SLC9C2: variants seen among roughly 807,000 people sequenced by gnomAD.
SLC9C2 encodes solute carrier family 9 member C2 (putative), also known as sodium/hydrogen exchanger 11.
Under a neutral mutation model 140.2 loss-of-function variants are expected in SLC9C2, and 75 were observed. The ratio of observed to expected loss-of-function variants is 0.53; its 90% CI spans 0.44 to 0.65. The LOEUF (loss-of-function observed/expected upper bound fraction) is 0.65. Among genes scored for constraint, SLC9C2 ranks in the 30% least tolerant of loss-of-function variants. The probability of loss-of-function intolerance (pLI) is 0.00; values close to 1 mark genes in which losing one functional copy is unlikely to be tolerated. For synonymous variants in SLC9C2, 375 were observed against 420.9 expected, an observed-to-expected ratio of 0.89 and a Z score of 1.34; for missense variants, 1,074 against 1,331.8, an observed-to-expected ratio of 0.81 and a Z score of 3.01.
At chr1:173,509,738 G>A in intron 23 of SLC9C2, 39 bp from the exon 24 acceptor site, 1 of 1,554,356 alleles carries the variant, frequency 6.4e-7, no homozygotes, top group Non-Finnish European at 8.6e-7. Context: ...AGCTTGATGT[G>A]GAACTAAATT....
Position 173,548,381 on chromosome 1 carries a change from C to G in SLC9C2, c.1461+8G>C, listed in dbSNP as rs1411634397. 3 of 1,607,150 alleles carry G rather than the reference C, an allele frequency of 1.9e-6. No homozygotes were observed. Among genetic ancestry groups the G allele is most frequent in the Middle Eastern group, 1.7e-4 (1 of 5,772 alleles). On this transcript the variant is annotated splice_region_variant and intron_variant, in intron 12 of 27. Coordinates refer to ENST00000367714, the MANE Select transcript of SLC9C2 (RefSeq NM_178527.4). The stretch of plus-strand genomic sequence containing the variant: ...AGGAAAACTACTTTTTGCCAGGTAT[C>G]AACTCACAGGAATGTATTCGATCCT...
intron 5 of SLC9C2, among the ~76,000 whole-genome samples, chr1:173,585,292 C>G (rs1385540815): frequency 1.3e-5 from 2 of 152,108 alleles, no homozygotes; most frequent in Non-Finnish European, 2.9e-5. Context: ...TGCAGATGGG[C>G]ACCTCATCAA....
At chr1:173,530,371 C>T (rs545086925) in intron 17 of SLC9C2, among the ~76,000 whole-genome samples, 1 of 152,284 alleles carries the variant, frequency 6.6e-6, no homozygotes, top group Admixed American at 6.5e-5. Context: ...CTGCCTTTTC[C>T]CTCATTCTCT....
chr1:173,514,806 T>A (rs1043210272), intron 23 of SLC9C2, among the ~76,000 whole-genome samples: 1 of 152,186 alleles, frequency 6.6e-6, no homozygotes, highest in African/African-American at 2.4e-5. Flanking sequence ...TTCCTTTCCA[T>A]ATTTAGTGCT....
At chr1:173,571,082 G>C (rs1311667463) in intron 9 of SLC9C2, among the ~76,000 whole-genome samples, 1 of 152,108 alleles carries the variant, frequency 6.6e-6, no homozygotes, top group African/African-American at 2.4e-5. Flanking sequence ...GTTCCTGCAG[G>C]GGGGTGAGAG....
At chr1:173,528,222 TA>T (rs1205300598) in intron 18 of SLC9C2, among the ~76,000 whole-genome samples, 2 of 152,224 alleles carry the variant, frequency 1.3e-5, no homozygotes, top group African/African-American at 2.4e-5. Flanking sequence ...AGTTTCAGAA[TA>T]AACACCAGTT....
intron 9 of SLC9C2, among the ~76,000 whole-genome samples, chr1:173,559,351 A>T (rs553896812): frequency 2.5e-4 from 38 of 152,210 alleles, no homozygotes; most frequent in Non-Finnish European, 4.9e-4. Flanking sequence ...GCATCAGGGA[A>T]AGTGTTGCAG....
chr1:173,600,274 T>C lies in SLC9C2; in HGVS notation c.128-57A>G, dbSNP rs1666705921. 12 of 1,256,790 alleles carry C rather than the reference T, an allele frequency of 9.5e-6. No homozygotes were observed. In the South Asian group the frequency reaches 1.6e-4, roughly 17 times the overall value. 77.9% of individuals were successfully genotyped at this position (1,256,790 alleles called of 1,614,324 possible). On this transcript the variant is annotated intron_variant, in intron 2 of 27. Transcript: ENST00000367714. ...TACTCGAAGTACAGTTTCTACCAAA[T>C]GTGTATCACTTTTGCACCATCCCAA...
chr1:173,592,369 T>C (rs895732975), intron 4 of SLC9C2, among the ~76,000 whole-genome samples: 20 of 152,358 alleles, frequency 1.3e-4, no homozygotes, highest in African/African-American at 4.6e-4. Flanking sequence ...CACATGAATT[T>C]TAAAATAATT....
At chr1:173,537,302 G>C (rs1662041822) in intron 13 of SLC9C2, among the ~76,000 whole-genome samples, 3 of 152,162 alleles carry the variant, frequency 2.0e-5, no homozygotes, top group African/African-American at 7.2e-5. Context: ...ACTCAGCCAG[G>C]CATGGTGGCT....
chr1:173,569,524 T>C (rs889194193), intron 9 of SLC9C2, among the ~76,000 whole-genome samples: 1 of 152,138 alleles, frequency 6.6e-6, no homozygotes, highest in Non-Finnish European at 1.5e-5. Flanking sequence ...ATATTACCAT[T>C]TTGAATAAAC....
At chr1:173,545,763 G>A (rs968859118) in intron 13 of SLC9C2, among the ~76,000 whole-genome samples, 4 of 152,180 alleles carry the variant, frequency 2.6e-5, no homozygotes, top group Non-Finnish European at 5.9e-5. Flanking sequence ...GCAAACTGTG[G>A]AACAGTAAAT....
chr1:173,500,936 A>C lies in SLC9C2; in HGVS notation c.*158T>G, dbSNP rs1659221916. 1 of 775,462 alleles carries C rather than the reference A, an allele frequency of 1.3e-6. No individual in the cohort carries two copies. The highest frequency in any genetic ancestry group is 1.8e-6 in the Non-Finnish European group (1 of 562,484). The allele number at this position is 775,462 out of a possible 1,614,324, so 48.0% of individuals were successfully genotyped here. A position where few individuals can be genotyped will look rare whatever the true frequency, so the allele number is the denominator to read the frequency against. ...TTACAGAAGTCCATCCATTGCTTAT[A>C]AACTAAATGCAGCAGTAACCTGTTT... On this transcript the variant is annotated 3_prime_UTR_variant, in exon 28 of 28. Coordinates refer to ENST00000367714, the MANE Select transcript of SLC9C2 (RefSeq NM_178527.4).
chr1:173,521,375 C>T lies in SLC9C2; in HGVS notation c.2665G>A (p.Asp889Asn). ...CCTTTACAAATGGTATCTCCAGAGT[C>T]AAAACAGGCAAGTTTGGCTCTTTCC... ...FKERAKLACF[D>N]SGDTICKGGE... The change falls in exon 22 of 28, where the codon GAC becomes AAC. Residue 889 changes from aspartate to asparagine, a missense_variant. By Grantham distance (23) the Asp-to-Asn change is conservative (BLOSUM62 1). Coordinates refer to ENST00000367714, the MANE Select transcript of SLC9C2 (RefSeq NM_178527.4). 6.7e-7 allele frequency: 1 copy of T among 1,485,046 alleles called. No individual in the cohort carries two copies. The allele number at this position is 1,485,046 out of a possible 1,614,324, so 92.0% of individuals were successfully genotyped here.
At chr1:173,548,654 C>T in intron 11 of SLC9C2, 102 bp from the exon 12 acceptor site, 1 of 1,293,720 alleles carries the variant, frequency 7.7e-7, no homozygotes, top group Non-Finnish European at 1.1e-6. Context: ...TTGAGATCAC[C>T]TGCAAACCAG....
intron 26 of SLC9C2, among the ~76,000 whole-genome samples, chr1:173,503,549 TA>T (rs1659426632): frequency 6.6e-6 from 1 of 152,110 alleles, no homozygotes; most frequent in African/African-American, 2.4e-5. Context: ...GCAGATCACG[TA>T]AACAGTTGAA....
At position 173,516,170 on chromosome 1, in the gene SLC9C2, C is replaced by T. The variant is rs370514910; in HGVS notation, c.2907+1367G>A. 5.9e-5 allele frequency among the ~76,000 whole-genome samples: 9 copies of T among 152,306 alleles called. No homozygotes were observed. In the East Asian group the frequency reaches 9.6e-4, roughly 16 times the overall value. ...GGCACAGGGAGCAGGACCCATTTAA[C>T]GAACCACTTTGTCCCTTGGTCTTTG... On this transcript the variant is annotated intron_variant, in intron 23 of 27. Transcript: ENST00000367714.
At chr1:173,579,087 T>A (rs1012258916) in intron 7 of SLC9C2, among the ~76,000 whole-genome samples, 1 of 152,198 alleles carries the variant, frequency 6.6e-6, no homozygotes, top group Non-Finnish European at 1.5e-5. Flanking sequence ...GACTCTGGGA[T>A]GTATTTAAGC....
In SLC9C2 at chr1:173,514,656, T is replaced by C. The variant is rs569221426; in HGVS notation, c.2907+2881A>G. Among the ~76,000 whole-genome samples, 3 of 152,348 alleles carry C rather than the reference T, an allele frequency of 2.0e-5. 1 individual carries two copies. The South Asian group carries it at 6.2e-4, about 32-fold the overall frequency. On this transcript the variant is annotated intron_variant, in intron 23 of 27. Transcript: ENST00000367714. ...GCCCATTTACATTTAAGGTTAATATTGTTATGTGTGAATTTGAGCCTGTCA... is the reference window on the plus strand; with the variant it reads ...GCCCATTTACATTTAAGGTTAATATCGTTATGTGTGAATTTGAGCCTGTCA...
Sources: gnomAD v4.1 joint callset for allele counts (sites outside exome capture counted in the v4.1 genomes callset) on GRCh38, gnomAD v4.1.1 for gene constraint, MANE v1.5 for transcripts, NCBI Gene and HGNC (gene_info 2026-07-23, HGNC 2026-07-21) for gene names.